The following OR10H4 variants were observed in gnomAD, a reference collection of about 807,000 sequenced individuals.
The protein encoded by OR10H4 is olfactory receptor family 10 subfamily H member 4.
Under a neutral mutation model 10.5 loss-of-function variants are expected in OR10H4, and 10 were observed. That is an observed-to-expected ratio of 0.95 (90% CI 0.59 to 1.62). OR10H4 has a LOEUF of 1.62. OR10H4 is among the 40% of genes most tolerant of loss of function. The probability of loss-of-function intolerance (pLI) is 0.00; values close to 1 mark genes in which losing one functional copy is unlikely to be tolerated. For synonymous variants in OR10H4, 160 were observed against 149.4 expected, an observed-to-expected ratio of 1.07 and a Z score of -0.52; for missense variants, 397 against 391.5, an observed-to-expected ratio of 1.01 and a Z score of -0.12.
Position 15,949,462 on chromosome 19 carries a change from G to T in OR10H4, c.455G>T (p.Gly152Val), listed in dbSNP as rs754437892. 1 of 1,614,220 alleles carries T rather than the reference G, an allele frequency of 6.2e-7. No individual in the cohort carries two copies. The highest frequency in any genetic ancestry group is 8.5e-7 in the Non-Finnish European group (1 of 1,180,032). Reference protein sequence around the residue: ...CAHLVACTWAGGSVMGMMVTT... With the variant: ...CAHLVACTWAVGSVMGMMVTT... ...CATCTTGTGGCCTGTACCTGGGCTG[G>T]TGGCTCAGTCATGGGGATGATGGTG... Residue 152 changes from glycine to valine, a missense_variant, in exon 1 of 1, where the codon GGT (glycine) becomes GTT (valine). Transcript: ENST00000322107.
chr19:15,949,447 C>T lies in OR10H4; in HGVS notation c.440C>T (p.Ala147Val). 2 of 1,614,202 alleles carry T rather than the reference C, an allele frequency of 1.2e-6. No homozygotes were observed. Among genetic ancestry groups the T allele is most frequent in the Non-Finnish European group, 1.7e-6 (2 of 1,180,032 alleles). Residue 147 changes from alanine (A) to valine (V), a missense_variant, in exon 1 of 1, where the codon GCC (alanine) becomes GTC (valine). Physicochemically the swap from Ala to Val is moderately conservative, Grantham distance 64 (BLOSUM62 0). Coordinates refer to ENST00000322107, the MANE Select transcript of OR10H4 (RefSeq NM_001004465.1). ...CCCCGTGACTGTGCCCATCTTGTGGCCTGTACCTGGGCTGGTGGCTCAGTC... is the reference window on the plus strand; with the variant it reads ...CCCCGTGACTGTGCCCATCTTGTGGTCTGTACCTGGGCTGGTGGCTCAGTC... ...MSPRDCAHLV[A>V]CTWAGGSVMG... is the part of the protein sequence containing the mutation.
In OR10H4 at chr19:15,949,820, C is replaced by A. The variant is rs1317384552; in HGVS notation, c.813C>A (p.Tyr271Ter). The change falls in exon 1 of 1, where the codon TAC becomes TAA. Residue 271 changes from tyrosine (Y) to a stop codon, truncating the protein, a stop_gained. Transcript: ENST00000322107. LOFTEE classifies it high-confidence loss of function. ...YLKPKGLHSM[Y>*]SDALMATTYT... ...AGCCCAAGGGCCTCCATTCTATGTA[C>A]AGTGACGCCTTGATGGCCACCACCT... 6.2e-7 allele frequency: 1 copy of A among 1,614,078 alleles called. No homozygotes were observed. The highest frequency in any genetic ancestry group is 1.3e-5 in the African/African-American group (1 of 74,918).
chr19:15,949,873 C>G lies in OR10H4; in HGVS notation c.866C>G (p.Pro289Arg). 6.2e-7 allele frequency: 1 copy of G among 1,614,022 alleles called. No homozygotes were observed. The highest frequency in any genetic ancestry group is 8.5e-7 in the Non-Finnish European group (1 of 1,180,030). Residue 289 changes from proline (P) to arginine (R), a missense_variant, in exon 1 of 1, where the codon CCA becomes CGA. By Grantham distance (103) the Pro-to-Arg change is moderately radical. Transcript: ENST00000322107. ...TYTVFTPFLS[P>R]IIFSLRNKEL... ...ACTGTCTTCACCCCCTTCCTTAGCCCAATCATTTTCAGCCTAAGGAACAAG... is the reference window on the plus strand; with the variant it reads ...ACTGTCTTCACCCCCTTCCTTAGCCGAATCATTTTCAGCCTAAGGAACAAG...
At position 15,949,205 on chromosome 19, in the gene OR10H4, C is replaced by T. The variant is rs777766904; in HGVS notation, c.198C>T (p.Thr66=). 3 of 1,614,198 alleles carry T rather than the reference C, an allele frequency of 1.9e-6. No individual in the cohort carries two copies. Among genetic ancestry groups the T allele is most frequent in the East Asian group, 2.2e-5 (1 of 44,890 alleles). ...LHTPMYLFLC[T]LSVSEILFTV... ...CACCCATGTACCTCTTCTTGTGCACCCTCTCCGTCTCTGAGATTCTGTTCA... is the reference window on the plus strand; with the variant it reads ...CACCCATGTACCTCTTCTTGTGCACTCTCTCCGTCTCTGAGATTCTGTTCA... Residue 66 remains threonine (T), a synonymous_variant, in exon 1 of 1, where the codon ACC becomes ACT. Coordinates refer to ENST00000322107, the MANE Select transcript of OR10H4 (RefSeq NM_001004465.1).
At position 15,949,572 on chromosome 19, in the gene OR10H4, G is replaced by T; in HGVS notation, c.565G>T (p.Ala189Ser). 1 of 1,614,162 alleles carries T rather than the reference G, an allele frequency of 6.2e-7. No individual in the cohort carries two copies. Among genetic ancestry groups the T allele is most frequent in the African/African-American group, 1.3e-5 (1 of 75,022 alleles). The part of the protein sequence containing the change: ...FCHVLSLLKL[A>S]CENKTSSVIM... ...TCATGTGCTTTCCCTCTTGAAGTTG[G>T]CCTGTGAAAACAAGACATCATCTGT... The change falls in exon 1 of 1, where the codon GCC (alanine) becomes TCC (serine). Residue 189 changes from alanine (A) to serine (S), a missense_variant. Physicochemically the swap from Ala to Ser is moderately conservative, Grantham distance 99 (BLOSUM62 1). Coordinates refer to ENST00000322107, the MANE Select transcript of OR10H4 (RefSeq NM_001004465.1).
At position 15,949,421 on chromosome 19, in the gene OR10H4, C is replaced by A; in HGVS notation, c.414C>A (p.Ser138Arg). 3.1e-6 allele frequency: 5 copies of A among 1,614,182 alleles called. No homozygotes were observed. The highest frequency in any genetic ancestry group is 4.2e-6 in the Non-Finnish European group (5 of 1,180,028). Reference sequence around the variant, plus strand: ...CACTGCGTTACAATGTGCTCATGAGCCCCCGTGACTGTGCCCATCTTGTGG... The same window carrying A: ...CACTGCGTTACAATGTGCTCATGAGACCCCGTGACTGTGCCCATCTTGTGG... Reference protein sequence around the residue: ...CHPLRYNVLMSPRDCAHLVAC... With the variant: ...CHPLRYNVLMRPRDCAHLVAC... Residue 138 changes from serine (S) to arginine (R), a missense_variant, in exon 1 of 1, where the codon AGC (serine) becomes AGA (arginine). Ser to Arg is a moderately radical substitution (Grantham distance 110). Transcript: ENST00000322107.
Position 15,949,205 on chromosome 19 carries a change from C to G in OR10H4, c.198C>G (p.Thr66=). The part of the protein sequence containing the change: ...LHTPMYLFLC[T]LSVSEILFTV... ...CACCCATGTACCTCTTCTTGTGCAC[C>G]CTCTCCGTCTCTGAGATTCTGTTCA... The change falls in exon 1 of 1, where the codon ACC becomes ACG. Residue 66 remains threonine (T), a synonymous_variant. Coordinates refer to ENST00000322107, the MANE Select transcript of OR10H4 (RefSeq NM_001004465.1). The G allele has an allele frequency of 2.5e-6, 4 of 1,614,198 alleles. No individual in the cohort carries two copies. In the South Asian group the frequency reaches 3.3e-5, roughly 13 times the overall value.
chr19:15,949,434 G>A lies in OR10H4; in HGVS notation c.427G>A (p.Ala143Thr). Residue 143 changes from alanine to threonine, a missense_variant, in exon 1 of 1, where the codon GCC becomes ACC. Transcript: ENST00000322107. ...TGTGCTCATGAGCCCCCGTGACTGT[G>A]CCCATCTTGTGGCCTGTACCTGGGC... ...YNVLMSPRDC[A>T]HLVACTWAGG... The A allele has an allele frequency of 6.2e-7, 1 of 1,614,208 alleles. No homozygotes were observed. The highest frequency in any genetic ancestry group is 8.5e-7 in the Non-Finnish European group (1 of 1,180,038).
In OR10H4 at chr19:15,949,451, T is replaced by A; in HGVS notation, c.444T>A (p.Cys148Ter). ...SPRDCAHLVA[C>*]TWAGGSVMGM... Reference sequence around the variant, plus strand: ...GTGACTGTGCCCATCTTGTGGCCTGTACCTGGGCTGGTGGCTCAGTCATGG... The same window carrying A: ...GTGACTGTGCCCATCTTGTGGCCTGAACCTGGGCTGGTGGCTCAGTCATGG... The change falls in exon 1 of 1, where the codon TGT becomes TGA. Residue 148 changes from cysteine (C) to a stop codon, truncating the protein, a stop_gained. Coordinates refer to ENST00000322107, the MANE Select transcript of OR10H4 (RefSeq NM_001004465.1). LOFTEE classifies it high-confidence loss of function. 1.2e-6 allele frequency: 2 copies of A among 1,614,250 alleles called. No individual in the cohort carries two copies. Among genetic ancestry groups the A allele is most frequent in the African/African-American group, 2.7e-5 (2 of 75,070 alleles).
Position 15,949,268 on chromosome 19 carries a change from T to C in OR10H4, c.261T>C (p.Leu87=), listed in dbSNP as rs759516199. The C allele has an allele frequency of 3.1e-5, 50 of 1,614,240 alleles. 2 individuals carry two copies. In the South Asian group the frequency reaches 5.5e-4, roughly 18 times the overall value. Reference sequence around the variant, plus strand: ...CCCCTCGCATGCTGGCTGATCTGCTTTCCACCCATCATTCCATCACCTTTG... The same window carrying C: ...CCCCTCGCATGCTGGCTGATCTGCTCTCCACCCATCATTCCATCACCTTTG... ...AITPRMLADL[L]STHHSITFVA... The change falls in exon 1 of 1, where the codon CTT becomes CTC. Residue 87 remains leucine, a synonymous_variant. Coordinates refer to ENST00000322107, the MANE Select transcript of OR10H4 (RefSeq NM_001004465.1).
In OR10H4 at chr19:15,949,407, A is replaced by C. The variant is rs989912765; in HGVS notation, c.400A>C (p.Asn134His). 1 of 1,614,000 alleles carries C rather than the reference A, an allele frequency of 6.2e-7. No homozygotes were observed. Among genetic ancestry groups the C allele is most frequent in the African/African-American group, 1.3e-5 (1 of 74,908 alleles). ...YVAICHPLRY[N>H]VLMSPRDCAH... ...GGCCATCTGCCACCCACTGCGTTACAATGTGCTCATGAGCCCCCGTGACTG... is the reference window on the plus strand; with the variant it reads ...GGCCATCTGCCACCCACTGCGTTACCATGTGCTCATGAGCCCCCGTGACTG... Residue 134 changes from asparagine (N) to histidine (H), a missense_variant, in exon 1 of 1, where the codon AAT becomes CAT. Asn to His is a moderately conservative substitution (Grantham distance 68, BLOSUM62 1). Coordinates refer to ENST00000322107, the MANE Select transcript of OR10H4 (RefSeq NM_001004465.1).
In OR10H4 at chr19:15,949,275, C is replaced by A; in HGVS notation, c.268C>A (p.His90Asn). ...PRMLADLLST[H>N]HSITFVACAN... Reference sequence around the variant, plus strand: ...CATGCTGGCTGATCTGCTTTCCACCCATCATTCCATCACCTTTGTGGCTTG... The same window carrying A: ...CATGCTGGCTGATCTGCTTTCCACCAATCATTCCATCACCTTTGTGGCTTG... The change falls in exon 1 of 1, where the codon CAT (histidine) becomes AAT (asparagine). Residue 90 changes from histidine (H) to asparagine (N), a missense_variant. Physicochemically the swap from His to Asn is moderately conservative, Grantham distance 68. Transcript: ENST00000322107. The A allele has an allele frequency of 1.2e-6, 2 of 1,614,244 alleles. No homozygotes were observed. Among genetic ancestry groups the A allele is most frequent in the African/African-American group, 1.3e-5 (1 of 75,064 alleles).
Position 15,949,780 on chromosome 19 carries a change from C to T in OR10H4, c.773C>T (p.Ser258Phe), listed in dbSNP as rs746141125. ...GTGGTCACGCACTATAGTTTTGCCT[C>T]CTTTATCTACCTCAAGCCCAAGGGC... ...TVVVTHYSFASFIYLKPKGLH... is the reference protein window; with the variant it reads ...TVVVTHYSFAFFIYLKPKGLH... The change falls in exon 1 of 1, where the codon TCC (serine) becomes TTC (phenylalanine). Residue 258 changes from serine (S) to phenylalanine (F), a missense_variant. By Grantham distance (155) the Ser-to-Phe change is radical (BLOSUM62 -2). Coordinates refer to ENST00000322107, the MANE Select transcript of OR10H4 (RefSeq NM_001004465.1). 8.1e-6 allele frequency: 13 copies of T among 1,614,040 alleles called. No individual in the cohort carries two copies. Among genetic ancestry groups the T allele is most frequent in the South Asian group, 1.1e-5 (1 of 91,080 alleles).
rs147469390 is a variant in OR10H4, at chr19:15,949,145, C to T, written c.138C>T (p.Ile46=). 1.0e-4 allele frequency: 165 copies of T among 1,614,052 alleles called. No individual in the cohort carries two copies. Among genetic ancestry groups the T allele is most frequent in the Non-Finnish European group, 1.3e-4 (159 of 1,180,010 alleles). The change falls in exon 1 of 1, where the codon ATC becomes ATT. Residue 46 remains isoleucine (I), a synonymous_variant. Transcript: ENST00000322107. ...FLFTLLGNLL[I]MATIWIEHRL... ...TCACATTGCTGGGCAACCTTCTCAT[C>T]ATGGCCACAATCTGGATTGAACACA...
chr19:15,949,494 A>T lies in OR10H4; in HGVS notation c.487A>T (p.Ile163Leu). ...AGTCATGGGGATGATGGTGACAACG[A>T]TAGTTTTCCACCTCACTTTCTGTGG... ...GSVMGMMVTT[I>L]VFHLTFCGSN... The change falls in exon 1 of 1, where the codon ATA becomes TTA. Residue 163 changes from isoleucine to leucine, a missense_variant. Transcript: ENST00000322107. 4 of 1,614,172 alleles carry T rather than the reference A, an allele frequency of 2.5e-6. No homozygotes were observed. Among genetic ancestry groups the T allele is most frequent in the Non-Finnish European group, 3.4e-6 (4 of 1,180,032 alleles).
chr19:15,949,378 A>C lies in OR10H4; in HGVS notation c.371A>C (p.Tyr124Ser). 4 of 1,614,156 alleles carry C rather than the reference A, an allele frequency of 2.5e-6. No individual in the cohort carries two copies. Among genetic ancestry groups the C allele is most frequent in the Non-Finnish European group, 1.7e-6 (2 of 1,180,038 alleles). The change falls in exon 1 of 1, where the codon TAT (tyrosine) becomes TCT (serine). Residue 124 changes from tyrosine to serine, a missense_variant. By Grantham distance (144) the Tyr-to-Ser change is moderately radical (BLOSUM62 -2). Coordinates refer to ENST00000322107, the MANE Select transcript of OR10H4 (RefSeq NM_001004465.1). ...FLLLVMGYDR[Y>S]VAICHPLRYN... ...CTCCTGGTCATGGGCTATGATCGCT[A>C]TGTGGCCATCTGCCACCCACTGCGT...
At position 15,949,839 on chromosome 19, in the gene OR10H4, A is replaced by G. The variant is rs751519806; in HGVS notation, c.832A>G (p.Thr278Ala). 6.2e-6 allele frequency: 10 copies of G among 1,613,992 alleles called. No individual in the cohort carries two copies. The highest frequency in any genetic ancestry group is 8.5e-6 in the Non-Finnish European group (10 of 1,180,028). The change falls in exon 1 of 1, where the codon ACC becomes GCC. Residue 278 changes from threonine (T) to alanine (A), a missense_variant. Physicochemically the swap from Thr to Ala is moderately conservative, Grantham distance 58. Coordinates refer to ENST00000322107, the MANE Select transcript of OR10H4 (RefSeq NM_001004465.1). The stretch of plus-strand genomic sequence containing the variant: ...TATGTACAGTGACGCCTTGATGGCC[A>G]CCACCTATACTGTCTTCACCCCCTT... The part of the protein sequence containing the change: ...HSMYSDALMA[T>A]TYTVFTPFLS...
At position 15,949,693 on chromosome 19, in the gene OR10H4, G is replaced by A. The variant is rs1374598347; in HGVS notation, c.686G>A (p.Arg229Lys). Residue 229 changes from arginine to lysine, a missense_variant, in exon 1 of 1, where the codon AGG becomes AAG. Coordinates refer to ENST00000322107, the MANE Select transcript of OR10H4 (RefSeq NM_001004465.1). Reference protein sequence around the residue: ...SYVFIVAAILRIPSAEGRHKT... With the variant: ...SYVFIVAAILKIPSAEGRHKT... The stretch of plus-strand genomic sequence containing the variant: ...GTCTTCATTGTGGCTGCCATCTTGA[G>A]GATTCCCTCTGCCGAAGGCCGGCAC... 1 of 1,614,062 alleles carries A rather than the reference G, an allele frequency of 6.2e-7. No homozygotes were observed. The highest frequency in any genetic ancestry group is 8.5e-7 in the Non-Finnish European group (1 of 1,180,032).
At position 15,949,835 on chromosome 19, in the gene OR10H4, G is replaced by A; in HGVS notation, c.828G>A (p.Met276Ile). ...ATTCTATGTACAGTGACGCCTTGAT[G>A]GCCACCACCTATACTGTCTTCACCC... ...GLHSMYSDAL[M>I]ATTYTVFTPF... The change falls in exon 1 of 1, where the codon ATG becomes ATA. Residue 276 changes from methionine (M) to isoleucine (I), a missense_variant. By Grantham distance (10) the Met-to-Ile change is conservative (BLOSUM62 1). Transcript: ENST00000322107. The A allele has an allele frequency of 1.9e-6, 3 of 1,614,090 alleles. No individual in the cohort carries two copies. Among genetic ancestry groups the A allele is most frequent in the Non-Finnish European group, 2.5e-6 (3 of 1,180,026 alleles).
Sources: allele counts gnomAD v4.1 joint callset, GRCh38; gene constraint gnomAD v4.1.1; transcripts MANE v1.5; gene names NCBI Gene and HGNC (gene_info 2026-07-23, HGNC 2026-07-21).